Variants in ARID4B observed in about 807,000 individuals in gnomAD.
The protein encoded by ARID4B is AT-rich interaction domain 4B.
A neutral mutation model predicts 147.5 loss-of-function variants in ARID4B; 26 were observed. That is an observed-to-expected ratio of 0.18 (90% CI 0.13 to 0.24). The LOEUF is 0.24. Among genes scored for constraint, ARID4B ranks in the 10% least tolerant of loss-of-function variants. The pLI is 1.00. For missense variants in ARID4B, 1,179 were observed against 1,511.5 expected (o/e 0.78, Z 3.65); for synonymous variants, 512 against 507.9 (o/e 1.01, Z -0.11).
intron 19 of ARID4B, among the ~76,000 whole-genome samples, chr1:235,185,053 G>C (rs1308287273): frequency 2.0e-5 from 3 of 152,160 alleles, no homozygotes; most frequent in African/African-American, 7.2e-5. Flanking sequence ...TTGACCCCAA[G>C]TGATCTGCTC....
intron 2 of ARID4B, among the ~76,000 whole-genome samples, chr1:235,301,944 C>T (rs1396489016): frequency 6.6e-6 from 1 of 151,426 alleles, no homozygotes; most frequent in African/African-American, 2.4e-5. Flanking sequence ...CCGCCCACCT[C>T]GGCCTCCCAA....
At chr1:235,320,814 T>G (rs1157215374) in intron 2 of ARID4B, among the ~76,000 whole-genome samples, 1 of 152,146 alleles carries the variant, frequency 6.6e-6, no homozygotes, top group Non-Finnish European at 1.5e-5. Flanking sequence ...CAGGGAATGC[T>G]CCTCCCCCAG....
intron 2 of ARID4B, among the ~76,000 whole-genome samples, chr1:235,313,811 G>A (rs1296576160): frequency 6.6e-6 from 1 of 152,132 alleles, no homozygotes; most frequent in Non-Finnish European, 1.5e-5. Flanking sequence ...TGAGAGCAAA[G>A]AGTTCTTGGA....
At chr1:235,280,705 C>T (rs941150651) in intron 2 of ARID4B, among the ~76,000 whole-genome samples, 4 of 152,338 alleles carry the variant, frequency 2.6e-5, no homozygotes, top group African/African-American at 9.6e-5. Flanking sequence ...CCATCAGCCA[C>T]GCGCAGAGCC....
At chr1:235,191,866 C>A (rs549650103) in intron 19 of ARID4B, among the ~76,000 whole-genome samples, 2 of 152,122 alleles carry the variant, frequency 1.3e-5, no homozygotes, top group East Asian at 3.9e-4. Context: ...TTGCTTGAGT[C>A]CAGGAGTTTG....
chr1:235,242,768 T>C (rs768133980), intron 7 of ARID4B, among the ~76,000 whole-genome samples: 1 of 152,216 alleles, frequency 6.6e-6, no homozygotes, highest in Non-Finnish European at 1.5e-5. Flanking sequence ...TTTGTTCAGC[T>C]AGCTGAAACA....
chr1:235,251,054 C>T (rs1415627082), intron 6 of ARID4B, among the ~76,000 whole-genome samples: 1 of 152,026 alleles, frequency 6.6e-6, no homozygotes, highest in Non-Finnish European at 1.5e-5. Flanking sequence ...ATACTTGCCC[C>T]AAAGCTGTCT....
intron 5 of ARID4B, among the ~76,000 whole-genome samples, chr1:235,254,487 A>T (rs1227547724): frequency 6.6e-6 from 1 of 151,772 alleles, no homozygotes; most frequent in African/African-American, 2.4e-5. Flanking sequence ...AAATAAATTT[A>T]AAAAGTATAA....
chr1:235,302,974 G>A (rs1321390012), intron 2 of ARID4B, among the ~76,000 whole-genome samples: 1 of 148,930 alleles, frequency 6.7e-6, no homozygotes, highest in Non-Finnish European at 1.5e-5. Context: ...CGCCTAGGCT[G>A]GAGTGCAGTG....
At chr1:235,182,849 T>C (rs2102926661) in intron 19 of ARID4B, 56 bp from the exon 20 acceptor site, 1 of 1,506,038 alleles carries the variant, frequency 6.6e-7, no homozygotes. Context: ...AGCAATGTCT[T>C]CTATGTGCCA....
At chr1:235,265,943 T>C (rs1282008416) in intron 2 of ARID4B, among the ~76,000 whole-genome samples, 5 of 152,136 alleles carry the variant, frequency 3.3e-5, no homozygotes, top group Admixed American at 1.3e-4. Flanking sequence ...GCAATTGTTT[T>C]TTAAAAAAAA....
intron 2 of ARID4B, among the ~76,000 whole-genome samples, chr1:235,285,976 GA>G (rs1358077226): frequency 6.6e-6 from 1 of 151,916 alleles, no homozygotes; most frequent in Non-Finnish European, 1.5e-5. Context: ...AAGAACAAGA[GA>G]AAAAAATGAT....
chr1:235,257,766 T>C (rs922177771), intron 3 of ARID4B, among the ~76,000 whole-genome samples: 3 of 152,060 alleles, frequency 2.0e-5, no homozygotes, highest in African/African-American at 7.2e-5. Flanking sequence ...CAGGTGTGAG[T>C]CACCACGCCT....
At chr1:235,227,032 T>A (rs1667878726) in intron 11 of ARID4B, among the ~76,000 whole-genome samples, 1 of 152,112 alleles carries the variant, frequency 6.6e-6, no homozygotes, top group African/African-American at 2.4e-5. Context: ...GAGGTGATGG[T>A]TCACAGGTTT....
At position 235,168,476 on chromosome 1, in the gene ARID4B, G is replaced by A. The variant is rs749788119; in HGVS notation, c.*49C>T. The A allele has an allele frequency of 6.3e-7, 1 of 1,593,516 alleles. No homozygotes were observed. The highest frequency in any genetic ancestry group is 1.7e-5 in the Admixed American group (1 of 57,520). Reference sequence around the variant, plus strand: ...TGCCACTGTGCAGTATAAAAAAAAAGTGGCCCTCAACAGCCATTAAGTGCA... The same window carrying A: ...TGCCACTGTGCAGTATAAAAAAAAAATGGCCCTCAACAGCCATTAAGTGCA... On this transcript the variant is annotated 3_prime_UTR_variant, in exon 24 of 24. Transcript: ENST00000264183.
At chr1:235,252,662 GA>G in intron 6 of ARID4B, 67 bp downstream of exon 6, 6 of 1,442,496 alleles carry the variant, frequency 4.2e-6, no homozygotes, top group Non-Finnish European at 5.8e-6. Flanking sequence ...ACTGAGTTGA[GA>G]AAGCAAAAAT....
intron 2 of ARID4B, among the ~76,000 whole-genome samples, chr1:235,306,088 G>C (rs1673538132): frequency 6.6e-6 from 1 of 152,158 alleles, no homozygotes; most frequent in Non-Finnish European, 1.5e-5. Context: ...AGAACATGAT[G>C]ACCAGGAAAG....
chr1:235,236,592 C>A (rs1330164936), intron 8 of ARID4B, among the ~76,000 whole-genome samples: 1 of 150,996 alleles, frequency 6.6e-6, no homozygotes, highest in Non-Finnish European at 1.5e-5. Flanking sequence ...CAGCTCACTG[C>A]AACCTCCACC....
In ARID4B at chr1:235,201,513, A is replaced by C. The variant is rs182650071; in HGVS notation, c.1842-5398T>G. On this transcript the variant is annotated intron_variant, in intron 17 of 23. Coordinates refer to ENST00000264183, the MANE Select transcript of ARID4B (RefSeq NM_016374.6). ...TAATTTTTTTATATTTTGTAGAGAGAGGGTGTCACTATGTTTCTCAGGCTG... is the reference window on the plus strand; with the variant it reads ...TAATTTTTTTATATTTTGTAGAGAGCGGGTGTCACTATGTTTCTCAGGCTG... Among the ~76,000 whole-genome samples, 3 of 152,118 alleles carry C rather than the reference A, an allele frequency of 2.0e-5. No individual in the cohort carries two copies. In the East Asian group the frequency reaches 5.8e-4, roughly 29 times the overall value.
Sources: allele counts gnomAD v4.1 joint callset (sites outside exome capture counted in the v4.1 genomes callset), GRCh38; gene constraint gnomAD v4.1.1; transcripts MANE v1.5; gene names NCBI Gene and HGNC (gene_info 2026-07-23, HGNC 2026-07-21).